ADGRG6: variants seen among roughly 807,000 people sequenced by gnomAD.
ADGRG6 encodes the protein G-protein coupled receptor 126.
A neutral mutation model predicts 142.4 loss-of-function variants in ADGRG6; 84 were observed. The observed-to-expected ratio is 0.59, with a 90% CI of 0.49 to 0.71. ADGRG6 has a LOEUF of 0.71. Ranked by LOEUF, ADGRG6 falls within the 30% of genes least tolerant of loss-of-function variation. The pLI, the probability that ADGRG6 is intolerant of heterozygous loss-of-function variation, is 0.00. For missense variants in ADGRG6, 1,367 were observed against 1,466.6 expected, an observed-to-expected ratio of 0.93 and a Z score of 1.11; for synonymous variants, 521 against 520.5, an observed-to-expected ratio of 1.00 and a Z score of -0.01.
intron 19 of ADGRG6, 134 bp from the exon 20 acceptor site, chr6:142,415,662 C>G: frequency 1.6e-6 from 1 of 620,018 alleles, no homozygotes; most frequent in South Asian, 2.1e-5. Flanking sequence ...CTCCTTTTAG[C>G]AGAACCACAT....
At chr6:142,320,488 G>A (rs983364141) in intron 2 of ADGRG6, among the ~76,000 whole-genome samples, 3 of 152,004 alleles carry the variant, frequency 2.0e-5, no homozygotes, top group African/African-American at 7.2e-5. Context: ...GAATTAAAAT[G>A]CTGACTCTGA....
chr6:142,396,659 A>C (rs148903324), intron 9 of ADGRG6, among the ~76,000 whole-genome samples: 2 of 152,308 alleles, frequency 1.3e-5, no homozygotes, highest in Admixed American at 1.3e-4. Context: ...TGAAGACAGT[A>C]ACTGATCTCA....
At chr6:142,321,769 T>C (rs1778529593) in intron 2 of ADGRG6, among the ~76,000 whole-genome samples, 2 of 152,148 alleles carry the variant, frequency 1.3e-5, no homozygotes, top group South Asian at 4.1e-4. Flanking sequence ...TATAATTACA[T>C]AGAGGTATAC....
At chr6:142,381,036 G>T (rs138604042) in intron 4 of ADGRG6, among the ~76,000 whole-genome samples, 1 of 152,198 alleles carries the variant, frequency 6.6e-6, no homozygotes, top group Non-Finnish European at 1.5e-5. Flanking sequence ...GAGGTATCAA[G>T]GATGAAGAAA....
At chr6:142,426,334 C>T (rs1252062277) in intron 22 of ADGRG6, among the ~76,000 whole-genome samples, 3 of 152,150 alleles carry the variant, frequency 2.0e-5, no homozygotes, top group African/African-American at 7.2e-5. Context: ...AATAAAGGGG[C>T]TACAGGCCCA....
At chr6:142,352,506 T>C (rs1300720802) in intron 2 of ADGRG6, among the ~76,000 whole-genome samples, 1 of 152,112 alleles carries the variant, frequency 6.6e-6, no homozygotes, top group African/African-American at 2.4e-5. Context: ...AGAGGCTGCC[T>C]CTTGGGTACT....
chr6:142,361,839 A>C, intron 2 of ADGRG6, among the ~76,000 whole-genome samples: 1 of 151,964 alleles, frequency 6.6e-6, no homozygotes, highest in Non-Finnish European at 1.5e-5. Flanking sequence ...GAAAAGCCTC[A>C]ACCATTGCTT....
At chr6:142,310,524 TTATAA>T (rs1777714192) in intron 2 of ADGRG6, among the ~76,000 whole-genome samples, 1 of 151,666 alleles carries the variant, frequency 6.6e-6, no homozygotes, top group African/African-American at 2.4e-5. Context: ...AATTTCATAT[TTATAA>T]TATATATTAT....
intron 3 of ADGRG6, among the ~76,000 whole-genome samples, chr6:142,368,421 A>G (rs1781057018): frequency 6.6e-6 from 1 of 152,188 alleles, no homozygotes; most frequent in South Asian, 2.1e-4. Flanking sequence ...GAAATAAGGC[A>G]TATTTTTATT....
chr6:142,381,343 C>T (rs1296759806), intron 4 of ADGRG6, among the ~76,000 whole-genome samples: 1 of 152,124 alleles, frequency 6.6e-6, no homozygotes, highest in Non-Finnish European at 1.5e-5. Flanking sequence ...TTTTCTCAGA[C>T]TCAAGCTGTT....
At chr6:142,364,147 T>C (rs1037867529) in intron 2 of ADGRG6, among the ~76,000 whole-genome samples, 4 of 152,118 alleles carry the variant, frequency 2.6e-5, no homozygotes, top group African/African-American at 9.7e-5. Flanking sequence ...CCTCTAAAGA[T>C]AGAGGTGGTA....
Position 142,443,443 on chromosome 6 carries a change from C to T in ADGRG6, c.3681C>T (p.Cys1227=). The change falls in exon 25 of 25, where the codon TGC becomes TGT. Residue 1227 remains cysteine (C), a synonymous_variant. Transcript: ENST00000367609. ...TCATTGATAAGGTCAAGGGTTATTGCAATGCTCATTCAGACAACTTCTATA... is the reference window on the plus strand; with the variant it reads ...TCATTGATAAGGTCAAGGGTTATTGTAATGCTCATTCAGACAACTTCTATA... ...HQVIDKVKGY[C]NAHSDNFYKN... is the part of the protein sequence containing the mutation. 6.2e-7 allele frequency: 1 copy of T among 1,610,748 alleles called. No individual in the cohort carries two copies.
At chr6:142,350,813 C>T (rs372041417) in intron 2 of ADGRG6, among the ~76,000 whole-genome samples, 19 of 152,240 alleles carry the variant, frequency 1.2e-4, no homozygotes, top group African/African-American at 4.6e-4. Context: ...TGACCAAAAG[C>T]AATTTATATA....
At chr6:142,402,118 G>T in intron 12 of ADGRG6, 60 bp downstream of exon 12, 1 of 762,578 alleles carries the variant, frequency 1.3e-6, no homozygotes, top group Admixed American at 2.3e-5. Context: ...CATGCTTCAT[G>T]ATTTTCATTG....
intron 4 of ADGRG6, among the ~76,000 whole-genome samples, chr6:142,372,067 G>T (rs1285825864): frequency 6.6e-6 from 1 of 152,066 alleles, no homozygotes; most frequent in Non-Finnish European, 1.5e-5. Context: ...GACTGTAAAT[G>T]TGCTATTATT....
Position 142,315,693 on chromosome 6 carries a change from T to C in ADGRG6, c.103+6049T>C, listed in dbSNP as rs917865233. 3.9e-5 allele frequency among the ~76,000 whole-genome samples: 6 copies of C among 151,906 alleles called. 1 individual carries two copies. The highest frequency in any genetic ancestry group is 1.3e-4 in the Admixed American group (2 of 15,238). Reference sequence around the variant, plus strand: ...TAAAAATCCAAAAATTAGCCTGGTGTGGTGGTGCGCGCCTGTAATCCCAGC... The same window carrying C: ...TAAAAATCCAAAAATTAGCCTGGTGCGGTGGTGCGCGCCTGTAATCCCAGC... On this transcript the variant is annotated intron_variant, in intron 2 of 24. Coordinates refer to ENST00000367609, the MANE Select transcript of ADGRG6 (RefSeq NM_198569.3).
In ADGRG6 at chr6:142,302,299, C is replaced by T. The variant is rs747402725; in HGVS notation, c.-31C>T. 8.7e-6 allele frequency: 14 copies of T among 1,611,400 alleles called. No individual in the cohort carries two copies. The highest frequency in any genetic ancestry group is 1.1e-5 in the Non-Finnish European group (13 of 1,178,662). ...AAAGTGGTGGAGGATGATCTTGCGG[C>T]CAAAGGGGACCTCGGCGCAGTAATG... On this transcript the variant is annotated 5_prime_UTR_variant, in exon 1 of 25. Transcript: ENST00000367609.
intron 2 of ADGRG6, among the ~76,000 whole-genome samples, chr6:142,326,592 CAG>C (rs1242797453): frequency 6.6e-6 from 1 of 151,268 alleles, no homozygotes; most frequent in Non-Finnish European, 1.5e-5. Flanking sequence ...TTGTACAGAA[CAG>C]AGTTTTGTTC....
At chr6:142,354,798 A>T (rs555697219) in intron 2 of ADGRG6, among the ~76,000 whole-genome samples, 55 of 152,316 alleles carry the variant, frequency 3.6e-4, no homozygotes, top group African/African-American at 1.2e-3. Context: ...TTTATTAAAA[A>T]TTTTTTTGGC....
Sources: allele counts gnomAD v4.1 joint callset (sites outside exome capture counted in the v4.1 genomes callset), GRCh38; gene constraint gnomAD v4.1.1; transcripts MANE v1.5; gene names NCBI Gene and HGNC (gene_info 2026-07-23, HGNC 2026-07-21).